Variants in KSR1 observed in about 807,000 individuals in gnomAD.
The protein encoded by KSR1 is kinase suppressor of ras.
In KSR1, 35 loss-of-function variants were observed where a neutral mutation model predicts 92.9. That is an observed-to-expected ratio of 0.38 (90% CI 0.29 to 0.50). KSR1 has a LOEUF of 0.50. KSR1 is among the 20% of genes least tolerant of loss of function. The pLI is 0.94. For synonymous variants in KSR1, 467 were observed against 472.6 expected, an observed-to-expected ratio of 0.99 and a Z score of 0.15; for missense variants, 972 against 1,158.5, an observed-to-expected ratio of 0.84 and a Z score of 2.34.
Position 27,526,094 on chromosome 17 carries a change from T to TTCTC in KSR1, c.232-24453_232-24450dup, listed in dbSNP as rs59170484. On this transcript the variant is annotated intron_variant, in intron 1 of 20. Coordinates refer to ENST00000644974, the MANE Select transcript of KSR1 (RefSeq NM_001394583.1). ...TCTCTTTCTTTCTTTCTTTCTTTCT[T>TTCTC]TCTCTCTCTCTCTCTCTCTCTCTCA... Among the ~76,000 whole-genome samples, 1,160 of 118,464 alleles carry TTCTC rather than the reference T, an allele frequency of 9.8e-3. 33 individuals are homozygous for TTCTC. The highest frequency in any genetic ancestry group is 0.027 in the African/African-American group (751 of 27,960). 77.7% of individuals were successfully genotyped at this position (118,464 alleles called of 152,430 possible).
chr17:27,560,802 G>C (rs1336944352), intron 2 of KSR1, among the ~76,000 whole-genome samples: 1 of 152,144 alleles, frequency 6.6e-6, no homozygotes, highest in Non-Finnish European at 1.5e-5. Context: ...CTCTTTGAGA[G>C]CCAGAGGCCC....
At position 27,609,578 on chromosome 17, in the gene KSR1, C is replaced by T. The variant is rs1418464043; in HGVS notation, c.2225+249C>T. 2.0e-5 allele frequency among the ~76,000 whole-genome samples: 3 copies of T among 152,212 alleles called. No individual in the cohort carries two copies. In the East Asian group the frequency reaches 5.8e-4, roughly 29 times the overall value. ...TTGCCCTGGCTGTTCACCCGCTTGG[C>T]CAAGGAACCAGGTCATTTCCCCACG... On this transcript the variant is annotated intron_variant, in intron 16 of 20. Transcript: ENST00000644974.
intron 1 of KSR1, among the ~76,000 whole-genome samples, chr17:27,497,846 G>C (rs897535642): frequency 2.4e-4 from 37 of 152,166 alleles, no homozygotes; most frequent in Admixed American, 1.2e-3. Context: ...GAAGCTCCAG[G>C]AGTGACTGAG....
intron 1 of KSR1, among the ~76,000 whole-genome samples, chr17:27,508,399 C>T (rs1185468359): frequency 6.6e-6 from 1 of 152,164 alleles, no homozygotes; most frequent in Non-Finnish European, 1.5e-5. Flanking sequence ...CTGGAAGGTG[C>T]TGTGATGTCC....
At chr17:27,548,125 A>G (rs2071250700) in intron 1 of KSR1, among the ~76,000 whole-genome samples, 1 of 147,068 alleles carries the variant, frequency 6.8e-6, no homozygotes, top group Non-Finnish European at 1.5e-5. Context: ...TCCAGGTGCG[A>G]TGGCTCACGC....
chr17:27,547,175 C>T (rs2071211492), intron 1 of KSR1, among the ~76,000 whole-genome samples: 1 of 152,196 alleles, frequency 6.6e-6, no homozygotes. Flanking sequence ...CTGGCTCTGT[C>T]AGATTGTTGG....
chr17:27,623,455 A>G lies in KSR1; in HGVS notation c.*63A>G, dbSNP rs1348039264. 4.2e-6 allele frequency: 3 copies of G among 717,260 alleles called. No homozygotes were observed. Among genetic ancestry groups the G allele is most frequent in the South Asian group, 1.5e-5 (1 of 68,782 alleles). The allele number at this position is 717,260 out of a possible 1,614,324, so 44.4% of individuals were successfully genotyped here. A position where few individuals can be genotyped will look rare whatever the true frequency, so the allele number is the denominator to read the frequency against. On this transcript the variant is annotated 3_prime_UTR_variant, in exon 21 of 21. Coordinates refer to ENST00000644974, the MANE Select transcript of KSR1 (RefSeq NM_001394583.1). Reference sequence around the variant, plus strand: ...TTAAAATGTGTTTCTGAAACATCCCAACAACCACCACGACAAAAAAACACT... The same window carrying G: ...TTAAAATGTGTTTCTGAAACATCCCGACAACCACCACGACAAAAAAACACT...
At chr17:27,514,533 G>A (rs547836219) in intron 1 of KSR1, among the ~76,000 whole-genome samples, 2 of 152,156 alleles carry the variant, frequency 1.3e-5, no homozygotes, top group Admixed American at 6.5e-5. Context: ...GGTGGCGTAC[G>A]CCTGTAATCC....
chr17:27,568,747 TC>T (rs993905305), intron 2 of KSR1, among the ~76,000 whole-genome samples: 16 of 152,146 alleles, frequency 1.1e-4, no homozygotes, highest in Admixed American at 9.2e-4. Flanking sequence ...CCGGCAACAG[TC>T]CCAGCTGAGG....
chr17:27,497,019 G>A (rs1191287231), intron 1 of KSR1, among the ~76,000 whole-genome samples: 4 of 152,230 alleles, frequency 2.6e-5, no homozygotes, highest in Non-Finnish European at 4.4e-5. Context: ...CTGCTCTGGT[G>A]TTTTCTAGGG....
At position 27,526,046 on chromosome 17, in the gene KSR1, C is replaced by CTTTTCTTTTCTTTTTTTTTCTT. The variant is rs1555576231; in HGVS notation, c.232-24521_232-24520insTTTCTTTTCTTTTTTTTTCTTT. 3.3e-5 allele frequency among the ~76,000 whole-genome samples: 2 copies of CTTTTCTTTTCTTTTTTTTTCTT among 60,546 alleles called. 1 individual carries two copies. Among genetic ancestry groups the CTTTTCTTTTCTTTTTTTTTCTT allele is most frequent in the African/African-American group, 1.4e-4 (2 of 14,784 alleles). The allele number at this position is 60,546 out of a possible 152,430, so 39.7% of individuals were successfully genotyped here. ...TCTTTTCTTTTCTTTTCTTTTCTTT[C>CTTTTCTTTTCTTTTTTTTTCTT]TCTCTCTCTCTCTCTCTTTCTTTCT... On this transcript the variant is annotated intron_variant, in intron 1 of 20. Coordinates refer to ENST00000644974, the MANE Select transcript of KSR1 (RefSeq NM_001394583.1).
intron 1 of KSR1, among the ~76,000 whole-genome samples, chr17:27,543,929 C>T (rs1483843987): frequency 6.6e-6 from 1 of 152,148 alleles, no homozygotes; most frequent in Non-Finnish European, 1.5e-5. Context: ...TTCCTTAGTC[C>T]CATCTCTGAC....
chr17:27,526,046 C>CTT (rs1555576231), intron 1 of KSR1, among the ~76,000 whole-genome samples: 1,895 of 60,264 alleles, frequency 0.031, 29 homozygotes, highest in Middle Eastern at 0.059. Flanking sequence ...TCTTTTCTTT[C>CTT]TCTCTCTCTC....
intron 10 of KSR1, among the ~76,000 whole-genome samples, chr17:27,600,895 G>A (rs2073531877): frequency 6.6e-6 from 1 of 152,184 alleles, no homozygotes; most frequent in Admixed American, 6.5e-5. Context: ...GAACCCCAGT[G>A]TATCCTTTTC....
Position 27,617,301 on chromosome 17 carries a change from C to G in KSR1, c.2500C>G (p.Leu834Val). The G allele has an allele frequency of 6.2e-7, 1 of 1,606,160 alleles. No homozygotes were observed. The highest frequency in any genetic ancestry group is 8.5e-7 in the Non-Finnish European group (1 of 1,174,590). ...ATGGCAGCTCCATTTGCAGGAGATC[C>G]TGTCGGCCTGCTGGGCTTTCGACCT... is the stretch of plus-strand genomic sequence containing the variant. ...VSLGKEVSEI[L>V]SACWAFDLQE... is the part of the protein sequence containing the mutation. The change falls in exon 19 of 21, where the codon CTG becomes GTG. Residue 834 changes from leucine to valine, a missense_variant. This residue lies in a region of KSR1 where 260 missense variants were observed against 375.2 expected (regional missense o/e 0.69). Transcript: ENST00000644974.
chr17:27,530,460 G>T (rs78167620), intron 1 of KSR1, among the ~76,000 whole-genome samples: 2 of 151,682 alleles, frequency 1.3e-5, no homozygotes, highest in Non-Finnish European at 2.9e-5. Flanking sequence ...AAAAAAAAAA[G>T]ACCCAGCAGG....
chr17:27,527,785 G>A (rs561106958), intron 1 of KSR1, among the ~76,000 whole-genome samples: 1 of 152,310 alleles, frequency 6.6e-6, no homozygotes, highest in Admixed American at 6.5e-5. Context: ...ATCCTGGTCA[G>A]CAGTATCTTT....
chr17:27,606,274 T>A lies in KSR1; in HGVS notation c.1994+461T>A, dbSNP rs1278897340. 3.3e-5 allele frequency among the ~76,000 whole-genome samples: 5 copies of A among 152,140 alleles called. No individual in the cohort carries two copies. In the East Asian group the frequency reaches 9.6e-4, roughly 29 times the overall value. ...AGCCTGGGTGACAGAGTGAGACCTT[T>A]CTAAGTTTACAGAAGATCAAATGTC... On this transcript the variant is annotated intron_variant, in intron 14 of 20. Transcript: ENST00000644974.
rs181633562 is a variant in KSR1 at position 27,607,760 on chromosome 17, C to T, written c.1995-154C>T. 1.2e-4 allele frequency among the ~76,000 whole-genome samples: 19 copies of T among 152,246 alleles called. 1 individual carries two copies. Among genetic ancestry groups the T allele is most frequent in the Admixed American group, 1.2e-3 (18 of 15,296 alleles). ...ACGTTCAGGCCAGGCCCCAGCAGGA[C>T]TGGGCTGGGTTAAAGAAGATTTGGC... On this transcript the variant is annotated intron_variant, in intron 14 of 20. Coordinates refer to ENST00000644974, the MANE Select transcript of KSR1 (RefSeq NM_001394583.1).
Sources: gnomAD v4.1 joint callset for allele counts (sites outside exome capture counted in the v4.1 genomes callset) on GRCh38, gnomAD v4.1.1 for gene constraint, gnomAD v4.1.1 regional missense constraint, MANE v1.5 for transcripts, NCBI Gene and HGNC (gene_info 2026-07-23, HGNC 2026-07-21) for gene names.